The following PRIM2 variants were observed in gnomAD, a reference collection of about 807,000 sequenced individuals.
The protein encoded by PRIM2 is DNA primase subunit 2, also known as DNA primase large subunit.
Under a neutral mutation model 67.3 loss-of-function variants are expected in PRIM2, and 39 were observed. The ratio of observed to expected loss-of-function variants is 0.58; its 90% CI spans 0.45 to 0.76. The LOEUF is 0.76. PRIM2 is among the 30% of genes least tolerant of loss of function. PRIM2 has a pLI of 0.00. For synonymous variants in PRIM2, 143 were observed against 198.7 expected, an observed-to-expected ratio of 0.72 and a Z score of 2.36; for missense variants, 398 against 598.7, an observed-to-expected ratio of 0.66 and a Z score of 3.50.
At chr6:57,251,139 A>G in the PRIM2 span, among the ~76,000 whole-genome samples, 1 of 152,164 alleles carries the variant, frequency 6.6e-6, no homozygotes, top group Non-Finnish European at 1.5e-5. Flanking sequence ...CATTGAAGCT[A>G]AATTTCTGTG....
chr6:57,393,644 A>G (rs989281054), intron 7 of PRIM2, among the ~76,000 whole-genome samples: 12 of 152,024 alleles, frequency 7.9e-5, no homozygotes, highest in Non-Finnish European at 1.6e-4. Context: ...TCCTTTTGCC[A>G]TGTGAAAGCT....
At chr6:57,511,356 T>TTA (rs1774363797) in intron 8 of PRIM2, among the ~76,000 whole-genome samples, 2 of 152,232 alleles carry the variant, frequency 1.3e-5, no homozygotes, top group Non-Finnish European at 2.9e-5. Flanking sequence ...CATTAATTAC[T>TTA]TAGTGCCCGT....
intron 10 of PRIM2, among the ~76,000 whole-genome samples, chr6:57,561,230 T>C (rs1775621964): frequency 6.6e-6 from 1 of 152,082 alleles, no homozygotes; most frequent in Non-Finnish European, 1.5e-5. Context: ...GCATCAAACT[T>C]TTTTTGGTGT....
intron 5 of PRIM2, among the ~76,000 whole-genome samples, chr6:57,340,697 G>A (rs916297285): frequency 5.3e-5 from 8 of 152,062 alleles, no homozygotes; most frequent in Non-Finnish European, 1.0e-4. Flanking sequence ...CACACTCTGG[G>A]GACTGTTGTG....
chr6:57,338,813 C>G (rs1280575216), intron 5 of PRIM2, among the ~76,000 whole-genome samples: 3 of 142,698 alleles, frequency 2.1e-5, no homozygotes, highest in African/African-American at 5.3e-5. Flanking sequence ...GATGCCCTCT[C>G]TCACCACTCC....
chr6:57,516,959 T>G (rs1774500269), intron 8 of PRIM2, among the ~76,000 whole-genome samples: 1 of 152,148 alleles, frequency 6.6e-6, no homozygotes, highest in African/African-American at 2.4e-5. Context: ...TAATGAAACT[T>G]CGCTTGTCAC....
At chr6:57,380,166 G>T (rs1166668787) in intron 6 of PRIM2, among the ~76,000 whole-genome samples, 170 bp downstream of exon 6, 1 of 152,086 alleles carries the variant, frequency 6.6e-6, no homozygotes, top group Non-Finnish European at 1.5e-5. Flanking sequence ...TCTCTCCTGG[G>T]CTGTCTCCTT....
chr6:57,331,179 C>A (rs1295426811), intron 5 of PRIM2, among the ~76,000 whole-genome samples: 1 of 144,226 alleles, frequency 6.9e-6, no homozygotes, highest in Non-Finnish European at 1.5e-5. Context: ...AAGAGTGAGA[C>A]TTTGTCTCAG....
chr6:57,564,608 C>G (rs1775700381), intron 10 of PRIM2, among the ~76,000 whole-genome samples: 2 of 152,010 alleles, frequency 1.3e-5, no homozygotes, highest in African/African-American at 4.8e-5. Context: ...TACCTCGAAG[C>G]TATGAAATGA....
chr6:57,482,012 G>GTGGC (rs1439305964), intron 7 of PRIM2, among the ~76,000 whole-genome samples: 1 of 152,180 alleles, frequency 6.6e-6, no homozygotes, highest in Non-Finnish European at 1.5e-5. Context: ...GGCTTCGTGG[G>GTGGC]TGGCCAGTGT....
At chr6:57,271,903 A>G in the PRIM2 span, among the ~76,000 whole-genome samples, 1 of 152,302 alleles carries the variant, frequency 6.6e-6, no homozygotes, top group East Asian at 1.9e-4. Context: ...GTCATTCAGG[A>G]GCAGGTTGTT....
At chr6:57,459,785 G>A (rs2127396120) in intron 7 of PRIM2, among the ~76,000 whole-genome samples, 1 of 152,258 alleles carries the variant, frequency 6.6e-6, no homozygotes, top group Non-Finnish European at 1.5e-5. Context: ...GTTATCCAGG[G>A]TACTTTCCCT....
At chr6:57,268,718 G>T in the PRIM2 span, among the ~76,000 whole-genome samples, 1 of 151,016 alleles carries the variant, frequency 6.6e-6, no homozygotes, top group Admixed American at 6.6e-5. Context: ...GTGTCATGTT[G>T]GTGTGCTGCA....
upstream of PRIM2, among the ~76,000 whole-genome samples, chr6:57,310,790 C>T (rs1040335694): frequency 2.7e-5 from 4 of 149,288 alleles, no homozygotes; most frequent in Admixed American, 6.7e-5. Flanking sequence ...AAAGAGCGGC[C>T]AGGCAGAGGC....
At chr6:57,310,786 C>G (rs9475830), upstream of PRIM2, among the ~76,000 whole-genome samples, 1 of 147,930 alleles carries the variant, frequency 6.8e-6, no homozygotes, top group Admixed American at 6.7e-5. Context: ...AGACAAAGAG[C>G]GGCCAGGCAG....
At chr6:57,584,328 C>T (rs1562797113) in intron 10 of PRIM2, among the ~76,000 whole-genome samples, 1 of 152,260 alleles carries the variant, frequency 6.6e-6, no homozygotes. Flanking sequence ...ATGATTATGG[C>T]AGAGCCTTTG....
intron 5 of PRIM2, among the ~76,000 whole-genome samples, chr6:57,339,844 A>G (rs1396199264): frequency 3.3e-5 from 5 of 152,270 alleles, no homozygotes; most frequent in Non-Finnish European, 4.4e-5. Context: ...ACAAAAGCCA[A>G]AATTGACAAA....
the PRIM2 span, among the ~76,000 whole-genome samples, chr6:57,238,996 T>C: frequency 6.6e-6 from 1 of 152,072 alleles, no homozygotes; most frequent in East Asian, 1.9e-4. Flanking sequence ...TTTTTTTATT[T>C]TTTTTTTATT....
intron 5 of PRIM2, among the ~76,000 whole-genome samples, chr6:57,352,504 G>C (rs1230730752): frequency 6.6e-6 from 1 of 152,136 alleles, no homozygotes; most frequent in Non-Finnish European, 1.5e-5. Flanking sequence ...CTCCCAAAGA[G>C]CTGGGATTAC....
Sources: gnomAD v4.1 joint callset for allele counts (sites outside exome capture counted in the v4.1 genomes callset) on GRCh38, gnomAD v4.1.1 for gene constraint, MANE v1.5 for transcripts, NCBI Gene and HGNC (gene_info 2026-07-23, HGNC 2026-07-21) for gene names.